The following WNT3 variants were observed in gnomAD, a reference collection of about 807,000 sequenced individuals.
WNT3 encodes the protein Wnt family member 3, also known as proto-oncogene Wnt-3.
A neutral mutation model predicts 34.2 loss-of-function variants in WNT3; 7 were observed. The ratio of observed to expected loss-of-function variants is 0.20; its 90% CI spans 0.12 to 0.38. The LOEUF (loss-of-function observed/expected upper bound fraction) is 0.38, where lower values mean the gene tolerates loss of function less well. Ranked by LOEUF, WNT3 falls within the 10% of genes least tolerant of loss-of-function variation. The pLI is 1.00. For missense variants in WNT3, 267 were observed against 499.8 expected, an observed-to-expected ratio of 0.53 and a Z score of 4.44; for synonymous variants, 212 against 211.5, an observed-to-expected ratio of 1.00 and a Z score of -0.02.
At chr17:46,770,174 G>T in intron 2 of WNT3, 126 bp from the exon 3 acceptor site, 1 of 1,296,934 alleles carries the variant, frequency 7.7e-7, no homozygotes, top group Non-Finnish European at 1.0e-6. Flanking sequence ...CACCAGCCCT[G>T]AGGCAAGAGG....
chr17:46,794,611 C>T (rs907596914), intron 1 of WNT3, among the ~76,000 whole-genome samples: 1 of 152,122 alleles, frequency 6.6e-6, no homozygotes, highest in Admixed American at 6.5e-5. Context: ...AGCACCTTAA[C>T]CCATTCTCAC....
intron 1 of WNT3, among the ~76,000 whole-genome samples, chr17:46,780,243 G>T (rs1008051886): frequency 1.3e-5 from 2 of 152,206 alleles, no homozygotes; most frequent in Non-Finnish European, 2.9e-5. Flanking sequence ...CCAATCCCCT[G>T]CTGATGGGGG....
At chr17:46,799,868 C>T (rs2084101891) in intron 1 of WNT3, among the ~76,000 whole-genome samples, 4 of 152,202 alleles carry the variant, frequency 2.6e-5, no homozygotes, top group African/African-American at 7.2e-5. Flanking sequence ...AAGCAAAGTT[C>T]TAGAAGCTAT....
chr17:46,818,493 C>A, intron 1 of WNT3, 25 bp downstream of exon 1: 1 of 1,589,528 alleles, frequency 6.3e-7, no homozygotes, highest in Non-Finnish European at 8.6e-7. Flanking sequence ...AACCGGGCCG[C>A]GGGCAGACAA....
intron 1 of WNT3, among the ~76,000 whole-genome samples, chr17:46,776,311 G>A (rs1214108589): frequency 3.9e-5 from 6 of 152,232 alleles, no homozygotes; most frequent in African/African-American, 9.6e-5. Context: ...GCCCTGATGG[G>A]CACACGGCGC....
At chr17:46,794,997 C>T (rs547457903) in intron 1 of WNT3, among the ~76,000 whole-genome samples, 174 of 152,058 alleles carry the variant, frequency 1.1e-3, no homozygotes, top group Non-Finnish European at 1.8e-3. Flanking sequence ...GTGATCTGCC[C>T]GCCTCGGCCT....
chr17:46,812,138 C>T (rs1454434368), intron 1 of WNT3, among the ~76,000 whole-genome samples: 1 of 152,164 alleles, frequency 6.6e-6, no homozygotes, highest in Admixed American at 6.5e-5. Flanking sequence ...CCTCTTTTCC[C>T]ACCTTCTCCA....
intron 1 of WNT3, among the ~76,000 whole-genome samples, chr17:46,790,699 C>T (rs529671722): frequency 1.3e-5 from 2 of 152,302 alleles, no homozygotes; most frequent in South Asian, 2.1e-4. Context: ...TCTCCTTGGC[C>T]TCTCAGCAAA....
chr17:46,794,386 G>T (rs906142792), intron 1 of WNT3, among the ~76,000 whole-genome samples: 2 of 152,140 alleles, frequency 1.3e-5, no homozygotes, highest in Non-Finnish European at 2.9e-5. Flanking sequence ...CTATATGCAG[G>T]CTGGATCCCC....
rs1400620052 is a variant in WNT3 at position 46,818,543 on chromosome 17, C to G, written c.55G>C (p.Val19Leu). Residue 19 changes from valine to leucine, a missense_variant, in exon 1 of 5, where the codon GTC (valine) becomes CTC (leucine). Val to Leu is a conservative substitution (Grantham distance 32). Coordinates refer to ENST00000225512, the MANE Select transcript of WNT3 (RefSeq NM_030753.5). ...LLGLLLGGTR[V>L]LAGYPIWWSL... ...CACCAAATTGGGTAGCCAGCGAGGACCCTGGTGCCACCGAGCAGGAGGCCG... is the reference window on the plus strand; with the variant it reads ...CACCAAATTGGGTAGCCAGCGAGGAGCCTGGTGCCACCGAGCAGGAGGCCG... 6.2e-7 allele frequency: 1 copy of G among 1,608,742 alleles called. No individual in the cohort carries two copies. The highest frequency in any genetic ancestry group is 2.2e-5 in the East Asian group (1 of 44,666).
Position 46,768,295 on chromosome 17 carries a change from G to C in WNT3, c.*8+17C>G. The C allele has an allele frequency of 2.5e-6, 4 of 1,612,898 alleles. No individual in the cohort carries two copies. The highest frequency in any genetic ancestry group is 3.4e-6 in the Non-Finnish European group (4 of 1,180,012). On this transcript the variant is annotated intron_variant, in intron 4 of 4. Transcript: ENST00000225512. This position sits in a 1 kb window ranked among gnomAD's most constrained non-coding sequence, Gnocchi z 5.0. ...CGCCCAGGCTCCCAGCCTCCCCCCT[G>C]CTTCCCGGAGCCCTACCTGGTGCCC...
At chr17:46,766,300 C>A (rs566691069) in intron 4 of WNT3, among the ~76,000 whole-genome samples, 1 of 151,834 alleles carries the variant, frequency 6.6e-6, no homozygotes, top group African/African-American at 2.4e-5. Flanking sequence ...CCCAGCTACT[C>A]GGGAGGCTGA....
At chr17:46,816,477 A>ACG (rs1252402784) in intron 1 of WNT3, among the ~76,000 whole-genome samples, 259 of 19,988 alleles carry the variant, frequency 0.013, 1 homozygote, top group African/African-American at 0.12. Flanking sequence ...GAACACACGC[A>ACG]CACACACACA....
At chr17:46,771,637 C>A (rs2059371118) in intron 2 of WNT3, among the ~76,000 whole-genome samples, 3 of 145,298 alleles carry the variant, frequency 2.1e-5, no homozygotes, top group African/African-American at 7.4e-5. Flanking sequence ...CATAATGCGG[C>A]CGCCGGGCCC....
At chr17:46,782,350 C>T (rs2059468593) in intron 1 of WNT3, among the ~76,000 whole-genome samples, 1 of 152,098 alleles carries the variant, frequency 6.6e-6, no homozygotes, top group South Asian at 2.1e-4. Flanking sequence ...GGTCATTTTT[C>T]TCTCCCTGTG....
At chr17:46,779,885 A>C (rs1480555182) in intron 1 of WNT3, among the ~76,000 whole-genome samples, 1 of 152,106 alleles carries the variant, frequency 6.6e-6, no homozygotes, top group African/African-American at 2.4e-5. Flanking sequence ...CGGCCTCTCA[A>C]GTAGCTGGGA....
intron 2 of WNT3, 25 bp downstream of exon 2, chr17:46,773,643 C>A: frequency 3.6e-6 from 4 of 1,105,208 alleles, no homozygotes; most frequent in Non-Finnish European, 5.0e-6. Context: ...CAGCCCCTCC[C>A]CCCCCCTCAG....
intron 1 of WNT3, among the ~76,000 whole-genome samples, chr17:46,811,369 C>T (rs1047213016): frequency 6.6e-6 from 1 of 152,168 alleles, no homozygotes; most frequent in East Asian, 1.9e-4. Context: ...ATTGTAGCTG[C>T]ACCCAGCGGC....
intron 1 of WNT3, among the ~76,000 whole-genome samples, chr17:46,801,787 G>A (rs1418901622): frequency 1.3e-5 from 2 of 152,182 alleles, no homozygotes; most frequent in African/African-American, 4.8e-5. Context: ...GGAGGGCAGT[G>A]CCACTGTGGG....
Sources: allele counts gnomAD v4.1 joint callset (sites outside exome capture counted in the v4.1 genomes callset), GRCh38; gene constraint gnomAD v4.1.1; non-coding constraint Gnocchi (gnomAD v3.1); transcripts MANE v1.5; gene names NCBI Gene and HGNC (gene_info 2026-07-23, HGNC 2026-07-21).